The following DLGAP4 variants were observed in gnomAD, a reference collection of about 807,000 sequenced individuals.
DLGAP4 encodes the protein disks large-associated protein 4.
A neutral mutation model predicts 86.9 loss-of-function variants in DLGAP4; 18 were observed. The observed-to-expected ratio is 0.21, with a 90% CI of 0.14 to 0.31. The LOEUF (loss-of-function observed/expected upper bound fraction) is 0.31, where lower values mean the gene tolerates loss of function less well. DLGAP4 is among the 10% of genes least tolerant of loss of function. DLGAP4 has a pLI of 1.00. For synonymous variants in DLGAP4, 548 were observed against 574.3 expected (o/e 0.95, Z 0.65); for missense variants, 1,085 against 1,362.6 (o/e 0.80, Z 3.21).
chr20:36,449,636 C>T (rs974231867), intron 7 of DLGAP4, among the ~76,000 whole-genome samples: 3 of 152,180 alleles, frequency 2.0e-5, no homozygotes, highest in African/African-American at 4.8e-5. Context: ...CATCCTCACA[C>T]CCATGCGAAG....
At position 36,525,930 on chromosome 20, in the gene DLGAP4, T is replaced by C; in HGVS notation, c.2684T>C (p.Ile895Thr). 6.2e-7 allele frequency: 1 copy of C among 1,613,636 alleles called. No homozygotes were observed. Among genetic ancestry groups the C allele is most frequent in the Non-Finnish European group, 8.5e-7 (1 of 1,179,900 alleles). ...CTGCTACAGCTGTCCATCGAGGATA[T>C]CAGCATGAAGTTCGATGAACTCTAC... Reference protein sequence around the residue: ...WDLLQLSIEDISMKFDELYHL... With the variant: ...WDLLQLSIEDTSMKFDELYHL... Residue 895 changes from isoleucine (I) to threonine (T), a missense_variant, in exon 12 of 13, where the codon ATC (isoleucine) becomes ACC (threonine). Around this residue, in one of 2 missense-constraint regions of DLGAP4, gnomAD observed 1,082 missense variants for 1,344.1 expected, o/e 0.81. Transcript: ENST00000339266.
chr20:36,493,646 C>T (rs1057222044), intron 7 of DLGAP4, among the ~76,000 whole-genome samples: 1 of 152,216 alleles, frequency 6.6e-6, no homozygotes, highest in Non-Finnish European at 1.5e-5. Flanking sequence ...GTGAAGGCCC[C>T]AAACACCGGC....
chr20:36,490,584 T>C (rs1480544913), intron 7 of DLGAP4, among the ~76,000 whole-genome samples: 1 of 152,196 alleles, frequency 6.6e-6, no homozygotes, highest in African/African-American at 2.4e-5. Context: ...CATCCATTCA[T>C]GGGGGCCTTG....
intron 10 of DLGAP4, among the ~76,000 whole-genome samples, chr20:36,515,566 G>T (rs1309997529): frequency 3.9e-5 from 6 of 152,112 alleles, no homozygotes; most frequent in Admixed American, 3.9e-4. Flanking sequence ...TATTTTGGGG[G>T]ATTTGTGCTT....
At chr20:36,391,937 T>G (rs2031796652) in intron 2 of DLGAP4, among the ~76,000 whole-genome samples, 1 of 152,202 alleles carries the variant, frequency 6.6e-6, no homozygotes. Flanking sequence ...GGGTCACCCT[T>G]GAGGGGAGGC....
chr20:36,502,359 T>A (rs220078), intron 10 of DLGAP4, among the ~76,000 whole-genome samples: 100,159 of 151,874 alleles, frequency 0.66, 35,440 homozygotes, highest in Non-Finnish European at 0.79. Context: ...TTTAAAAAAA[T>A]TTTTTAAGAG....
chr20:36,496,813 AGGACACCTACCT>A lies in DLGAP4; in HGVS notation c.1763_1774del (p.Thr588_Asp591del). Reference sequence around the variant, plus strand: ...GTCCAGAGCAGTACTGAGTCTGCCCAGGACACCTACCTGGACAGCCAGGACCACAAGAGCGAG... The same window carrying A: ...GTCCAGAGCAGTACTGAGTCTGCCCAGGACAGCCAGGACCACAAGAGCGAG... On this transcript the variant is annotated inframe_deletion, in exon 8 of 13. Coordinates refer to ENST00000339266, the MANE Select transcript of DLGAP4 (RefSeq NM_001365621.2). 1 of 1,614,250 alleles carries A rather than the reference AGGACACCTACCT, an allele frequency of 6.2e-7. No homozygotes were observed. Among genetic ancestry groups the A allele is most frequent in the Non-Finnish European group, 8.5e-7 (1 of 1,180,042 alleles).
chr20:36,455,493 A>G (rs1034787957), intron 7 of DLGAP4, among the ~76,000 whole-genome samples: 4 of 151,960 alleles, frequency 2.6e-5, no homozygotes, highest in African/African-American at 9.7e-5. Context: ...ACTTGGGCTC[A>G]CTCCCTGACA....
At chr20:36,387,066 T>C (rs1056056739) in intron 2 of DLGAP4, among the ~76,000 whole-genome samples, 6 of 152,220 alleles carry the variant, frequency 3.9e-5, no homozygotes, top group Admixed American at 3.9e-4. Flanking sequence ...AGTATTTCTC[T>C]GGAAGCAGGA....
intron 2 of DLGAP4, among the ~76,000 whole-genome samples, chr20:36,368,267 A>G (rs1181558818): frequency 6.6e-6 from 1 of 152,112 alleles, no homozygotes; most frequent in Non-Finnish European, 1.5e-5. Flanking sequence ...GCTTGCGGTG[A>G]GCCCATGCCC....
chr20:36,508,158 A>G (rs756799403), intron 10 of DLGAP4: 4 of 152,162 alleles, frequency 2.6e-5, no homozygotes, highest in Non-Finnish European at 4.4e-5. Flanking sequence ...ATTAGACCCT[A>G]CCTCTTCATA....
At chr20:36,390,959 G>T (rs1358618075) in intron 2 of DLGAP4, among the ~76,000 whole-genome samples, 1 of 151,954 alleles carries the variant, frequency 6.6e-6, no homozygotes, top group Non-Finnish European at 1.5e-5. Flanking sequence ...ACTCAACTCT[G>T]ACCTCTTCTT....
chr20:36,363,139 C>G (rs1461230961), intron 1 of DLGAP4, among the ~76,000 whole-genome samples: 1 of 152,142 alleles, frequency 6.6e-6, no homozygotes, highest in Admixed American at 6.5e-5. Flanking sequence ...AATCAACATT[C>G]CAGGCAGAGC....
At chr20:36,339,876 G>C (rs1047739793) in intron 1 of DLGAP4, among the ~76,000 whole-genome samples, 1 of 152,214 alleles carries the variant, frequency 6.6e-6, no homozygotes, top group African/African-American at 2.4e-5. Flanking sequence ...GTTAAGGTGG[G>C]AATGGCAGAG....
chr20:36,467,928 A>G (rs545492082), intron 7 of DLGAP4, among the ~76,000 whole-genome samples: 2 of 152,356 alleles, frequency 1.3e-5, no homozygotes, highest in South Asian at 4.1e-4. Flanking sequence ...CTCAGGCCCA[A>G]GGCCAACTGT....
intron 10 of DLGAP4, among the ~76,000 whole-genome samples, chr20:36,523,165 G>A (rs2037483653): frequency 6.6e-6 from 1 of 152,012 alleles, no homozygotes; most frequent in Admixed American, 6.5e-5. Context: ...GCTCACCACA[G>A]CCTCTGCCTC....
chr20:36,342,119 G>A (rs1381335223), intron 1 of DLGAP4, among the ~76,000 whole-genome samples: 1 of 152,170 alleles, frequency 6.6e-6, no homozygotes, highest in Non-Finnish European at 1.5e-5. Context: ...CTCTTTCTGG[G>A]CTGGGGTCTC....
chr20:36,434,556 T>C (rs2033218807), intron 3 of DLGAP4, among the ~76,000 whole-genome samples: 1 of 152,080 alleles, frequency 6.6e-6, no homozygotes, highest in South Asian at 2.1e-4. Context: ...GCTGCCTGCT[T>C]GGGTGACAGG....
chr20:36,489,811 C>A (rs1156671802), intron 7 of DLGAP4, among the ~76,000 whole-genome samples: 3 of 151,190 alleles, frequency 2.0e-5, no homozygotes, highest in Non-Finnish European at 4.4e-5. Flanking sequence ...CTGCCAGTCC[C>A]TCTTGCTGGA....
Sources: gnomAD v4.1 joint callset for allele counts (sites outside exome capture counted in the v4.1 genomes callset) on GRCh38, gnomAD v4.1.1 for gene constraint, gnomAD v4.1.1 regional missense constraint, MANE v1.5 for transcripts, NCBI Gene and HGNC (gene_info 2026-07-23, HGNC 2026-07-21) for gene names.